CAP2: variants seen among roughly 807,000 people sequenced by gnomAD.
CAP2 encodes the protein cyclase associated actin cytoskeleton regulatory protein 2, also known as adenylyl cyclase-associated protein 2.
In CAP2, 24 loss-of-function variants were observed where a neutral mutation model predicts 57.7. The observed-to-expected ratio is 0.42, with a 90% CI of 0.30 to 0.58. CAP2 has a LOEUF of 0.58. Among genes scored for constraint, CAP2 ranks in the 20% least tolerant of loss-of-function variants. The pLI is 0.22. For synonymous variants in CAP2, 194 were observed against 207.2 expected (o/e 0.94, Z 0.55); for missense variants, 501 against 590.3 (o/e 0.85, Z 1.57).
intron 9 of CAP2, 151 bp from the exon 10 acceptor site, chr6:17,542,686 A>G (rs1762933263): frequency 1.5e-6 from 1 of 660,236 alleles, no homozygotes. Context: ...ACAATGACAG[A>G]GTAAGACCTG....
chr6:17,442,334 C>T (rs898400108), intron 3 of CAP2, among the ~76,000 whole-genome samples: 2 of 152,164 alleles, frequency 1.3e-5, no homozygotes, highest in African/African-American at 4.8e-5. Flanking sequence ...TGATGATGTT[C>T]GCCGCCAGGA....
intron 1 of CAP2, among the ~76,000 whole-genome samples, chr6:17,406,398 CTTT>C (rs777803474): frequency 5.9e-5 from 6 of 102,408 alleles, no homozygotes; most frequent in Admixed American, 9.3e-5. Context: ...GCCCAGATTT[CTTT>C]TTTTTTTTTT....
At chr6:17,537,854 G>A (rs1286732885) in intron 7 of CAP2, among the ~76,000 whole-genome samples, 4 of 152,024 alleles carry the variant, frequency 2.6e-5, no homozygotes, top group South Asian at 2.1e-4. Flanking sequence ...TAATCTTGAG[G>A]TCAGGAGTTC....
At chr6:17,507,927 A>G (rs1762033932) in intron 6 of CAP2, among the ~76,000 whole-genome samples, 1 of 152,250 alleles carries the variant, frequency 6.6e-6, no homozygotes, top group East Asian at 1.9e-4. Context: ...TGGGTTTTAG[A>G]AAGTCTGCCT....
rs546378292 is a variant in CAP2 at position 17,403,856 on chromosome 6, A to C, written c.-2+10110A>C. ...TAAGAATGAATTTCACTGGACATAT[A>C]AGATAGTTTTATATGGCCATATTTA... On this transcript the variant is annotated intron_variant, in intron 1 of 12. Transcript: ENST00000229922. 3.3e-5 allele frequency among the ~76,000 whole-genome samples: 5 copies of C among 152,324 alleles called. No individual in the cohort carries two copies. The South Asian group carries it at 1.0e-3, about 32-fold the overall frequency.
chr6:17,497,559 G>A (rs1192982011), intron 4 of CAP2, among the ~76,000 whole-genome samples: 1 of 152,100 alleles, frequency 6.6e-6, no homozygotes, highest in Non-Finnish European at 1.5e-5. Context: ...TTTGTATGTC[G>A]TTATTTGTCA....
chr6:17,528,552 A>T (rs1762564496), intron 7 of CAP2, among the ~76,000 whole-genome samples: 1 of 152,190 alleles, frequency 6.6e-6, no homozygotes, highest in Admixed American at 6.5e-5. Context: ...GTGGAGAATC[A>T]TGAAACCATC....
chr6:17,491,888 C>T (rs754050867), intron 4 of CAP2, among the ~76,000 whole-genome samples: 15 of 152,320 alleles, frequency 9.8e-5, no homozygotes, highest in South Asian at 4.1e-4. Context: ...CTTCCCTCCC[C>T]GCAAACTGAT....
In CAP2 at chr6:17,396,122, G is replaced by A. The variant is rs774297160; in HGVS notation, c.-2+2376G>A. ...ATGGGATACCACTTTATACTCACTAGCATGGCTATAATCAAAAAGTCAGAT... is the reference window on the plus strand; with the variant it reads ...ATGGGATACCACTTTATACTCACTAACATGGCTATAATCAAAAAGTCAGAT... On this transcript the variant is annotated intron_variant, in intron 1 of 12. Transcript: ENST00000229922. Among the ~76,000 whole-genome samples the A allele has an allele frequency of 8.5e-4, 129 of 152,140 alleles. 1 individual carries two copies. The highest frequency in any genetic ancestry group is 3.2e-4 in the Non-Finnish European group (22 of 68,028).
intron 4 of CAP2, among the ~76,000 whole-genome samples, chr6:17,464,800 A>G (rs1194657964): frequency 1.3e-5 from 2 of 152,248 alleles, no homozygotes; most frequent in Non-Finnish European, 2.9e-5. Flanking sequence ...GCTTTGCAGA[A>G]GAGCAAAATG....
At chr6:17,496,449 C>T (rs144545930) in intron 4 of CAP2, among the ~76,000 whole-genome samples, 2 of 152,232 alleles carry the variant, frequency 1.3e-5, no homozygotes, top group Non-Finnish European at 2.9e-5. Flanking sequence ...ACCAAATGAG[C>T]TAGTGCTCTA....
intron 7 of CAP2, among the ~76,000 whole-genome samples, chr6:17,517,664 G>A (rs985340569): frequency 6.6e-6 from 1 of 152,164 alleles, no homozygotes; most frequent in Non-Finnish European, 1.5e-5. Flanking sequence ...ACTTTGGAAG[G>A]CTGAGGCAGG....
chr6:17,461,329 T>C (rs528980308), intron 3 of CAP2, among the ~76,000 whole-genome samples: 2 of 152,110 alleles, frequency 1.3e-5, no homozygotes, highest in East Asian at 1.9e-4. Context: ...CAAGTTCACA[T>C]GATTCTCCTG....
chr6:17,452,089 G>C (rs1471614977), intron 3 of CAP2, among the ~76,000 whole-genome samples: 1 of 152,156 alleles, frequency 6.6e-6, no homozygotes, highest in Non-Finnish European at 1.5e-5. Context: ...GAATCACAAC[G>C]TAATCTGTGC....
chr6:17,446,484 A>C (rs1760261715), intron 3 of CAP2, among the ~76,000 whole-genome samples: 1 of 152,224 alleles, frequency 6.6e-6, no homozygotes, highest in African/African-American at 2.4e-5. Context: ...AAGACAGGAA[A>C]AGAGATTTTC....
At chr6:17,520,542 C>T (rs974945755) in intron 7 of CAP2, among the ~76,000 whole-genome samples, 5 of 152,082 alleles carry the variant, frequency 3.3e-5, no homozygotes, top group African/African-American at 7.2e-5. Context: ...GACAAGGTGG[C>T]GTTTCATTTT....
intron 2 of CAP2, among the ~76,000 whole-genome samples, chr6:17,424,172 G>A (rs1386702448): frequency 2.6e-5 from 4 of 151,980 alleles, no homozygotes; most frequent in African/African-American, 7.3e-5. Context: ...AGGCCGCGGC[G>A]AGCCGATCAC....
At chr6:17,529,220 A>G (rs823431) in intron 7 of CAP2, among the ~76,000 whole-genome samples, 3,950 of 152,348 alleles carry the variant, frequency 0.026, 160 homozygotes, top group African/African-American at 0.09. Flanking sequence ...TGTGCTATAA[A>G]TATGAATGTA....
intron 4 of CAP2, among the ~76,000 whole-genome samples, chr6:17,486,519 T>A (rs1015613146): frequency 1.4e-4 from 22 of 152,150 alleles, no homozygotes; most frequent in African/African-American, 5.3e-4. Flanking sequence ...GGTGGGAGGA[T>A]CACTGGAGCC....
Sources: gnomAD v4.1 joint callset for allele counts (sites outside exome capture counted in the v4.1 genomes callset) on GRCh38, gnomAD v4.1.1 for gene constraint, MANE v1.5 for transcripts, NCBI Gene and HGNC (gene_info 2026-07-23, HGNC 2026-07-21) for gene names.